MOXD1: variants seen among roughly 807,000 people sequenced by gnomAD.
The protein encoded by MOXD1 is DBH-like monooxygenase protein 1.
A neutral mutation model predicts 66.6 loss-of-function variants in MOXD1; 62 were observed. The observed-to-expected ratio is 0.93, with a 90% CI of 0.76 to 1.15. MOXD1 has a LOEUF of 1.15. MOXD1 is among the 50% of genes most tolerant of loss of function. The pLI is 0.00. For synonymous variants in MOXD1, 303 were observed against 281.9 expected, an observed-to-expected ratio of 1.07 and a Z score of -0.75; for missense variants, 847 against 754.6, an observed-to-expected ratio of 1.12 and a Z score of -1.44.
chr6:132,337,802 A>G (rs2114601845), intron 4 of MOXD1, among the ~76,000 whole-genome samples: 1 of 152,366 alleles, frequency 6.6e-6, no homozygotes, highest in African/African-American at 2.4e-5. Flanking sequence ...ATTAGCATAT[A>G]TAGTAATTAT....
chr6:132,372,717 A>G, intron 3 of MOXD1, 26 bp from the exon 4 acceptor site: 1 of 1,609,600 alleles, frequency 6.2e-7, no homozygotes, highest in Non-Finnish European at 8.5e-7. Context: ...GGGGAGGAAG[A>G]CACAAAGTCA....
At chr6:132,383,789 G>A (rs1307216395) in intron 1 of MOXD1, among the ~76,000 whole-genome samples, 1 of 152,138 alleles carries the variant, frequency 6.6e-6, no homozygotes, top group East Asian at 1.9e-4. Flanking sequence ...TTGGATGATG[G>A]CTGGGTGCAG....
intron 4 of MOXD1, among the ~76,000 whole-genome samples, chr6:132,363,129 G>T (rs867711933): frequency 6.6e-6 from 1 of 151,714 alleles, no homozygotes; most frequent in African/African-American, 2.4e-5. Context: ...AATTCCGTAG[G>T]ACTCAAAAGT....
intron 10 of MOXD1, 28 bp downstream of exon 10, chr6:132,315,607 C>A (rs1220715706): frequency 6.3e-7 from 1 of 1,590,028 alleles, no homozygotes; most frequent in African/African-American, 1.4e-5. Context: ...AATACGTTAC[C>A]CCATCATAAA....
At chr6:132,397,410 C>T (rs1272209818) in intron 1 of MOXD1, among the ~76,000 whole-genome samples, 1 of 152,210 alleles carries the variant, frequency 6.6e-6, no homozygotes, top group East Asian at 1.9e-4. Context: ...ACTTGCTTCT[C>T]TGCCTTTCAT....
rs117133459 is a variant in MOXD1, at chr6:132,393,499, G to A, written c.264+7664C>T. On this transcript the variant is annotated intron_variant, in intron 1 of 11. Coordinates refer to ENST00000367963, the MANE Select transcript of MOXD1 (RefSeq NM_015529.4). ...GCTCCTTAATGTGAGGAAAGGGTAA[G>A]TGAGAGACACCAAGTGGTCCACATT... Among the ~76,000 whole-genome samples, 100 of 152,334 alleles carry A rather than the reference G, an allele frequency of 6.6e-4. 1 individual carries two copies. In the East Asian group the frequency reaches 0.019, roughly 29 times the overall value.
chr6:132,365,051 A>C (rs1776091723), intron 4 of MOXD1, among the ~76,000 whole-genome samples: 1 of 152,202 alleles, frequency 6.6e-6, no homozygotes, highest in South Asian at 2.1e-4. Context: ...AGCTGTTCCC[A>C]AAACTTAATA....
chr6:132,297,045 G>A lies in MOXD1; in HGVS notation c.*108C>T. ...AAAAGGAGGGAGGGAAAATGGGGAA[G>A]AAAAGTCTCCACACTCTTCATGCCC... On this transcript the variant is annotated 3_prime_UTR_variant, in exon 12 of 12. Coordinates refer to ENST00000367963, the MANE Select transcript of MOXD1 (RefSeq NM_015529.4). 2 of 1,158,232 alleles carry A rather than the reference G, an allele frequency of 1.7e-6. No individual in the cohort carries two copies. Among genetic ancestry groups the A allele is most frequent in the Non-Finnish European group, 2.4e-6 (2 of 824,916 alleles). The allele number at this position is 1,158,232 out of a possible 1,614,324, so 71.7% of individuals were successfully genotyped here.
chr6:132,373,553 C>T (rs1776312744), intron 2 of MOXD1, among the ~76,000 whole-genome samples: 1 of 152,154 alleles, frequency 6.6e-6, no homozygotes. Context: ...TTAAATCATA[C>T]TACAGTTAAT....
chr6:132,353,591 C>T (rs914378828), intron 4 of MOXD1, among the ~76,000 whole-genome samples: 1 of 151,660 alleles, frequency 6.6e-6, no homozygotes, highest in African/African-American at 2.4e-5. Context: ...GTAGGTCTTA[C>T]ACTTCTTTCC....
intron 1 of MOXD1, among the ~76,000 whole-genome samples, chr6:132,399,891 A>C (rs1422326152): frequency 6.6e-6 from 1 of 152,230 alleles, no homozygotes; most frequent in Non-Finnish European, 1.5e-5. Context: ...TTGGTTCATA[A>C]AGTTAATGTC....
intron 4 of MOXD1, among the ~76,000 whole-genome samples, chr6:132,347,220 C>T (rs568645610): frequency 6.6e-6 from 1 of 151,996 alleles, no homozygotes; most frequent in African/African-American, 2.4e-5. Context: ...AGATTTGCAC[C>T]CTGGTCCAAC....
In MOXD1 at chr6:132,399,924, A is replaced by G. The variant is rs1265802044; in HGVS notation, c.264+1239T>C. Among the ~76,000 whole-genome samples the G allele has an allele frequency of 9.9e-5, 15 of 152,222 alleles. No homozygotes were observed. In the East Asian group the frequency reaches 2.7e-3, roughly 27 times the overall value. ...GTCTGAGATGCTGCAGGAGGAGAATATTTATACATCAGTGACTTCAGCAGA... is the reference window on the plus strand; with the variant it reads ...GTCTGAGATGCTGCAGGAGGAGAATGTTTATACATCAGTGACTTCAGCAGA... On this transcript the variant is annotated intron_variant, in intron 1 of 11. Coordinates refer to ENST00000367963, the MANE Select transcript of MOXD1 (RefSeq NM_015529.4).
At position 132,372,957 on chromosome 6, in the gene MOXD1, T is replaced by A. The variant is rs111250372; in HGVS notation, c.452A>T (p.Asp151Val). 7 of 1,614,024 alleles carry A rather than the reference T, an allele frequency of 4.3e-6. No homozygotes were observed. Among genetic ancestry groups the A allele is most frequent in the African/African-American group, 2.7e-5 (2 of 75,038 alleles). ...VRVIWAYHHE[D>V]AGEAGPKYHD... ...GTACTTGGGACCAGCTTCTCCTGCATCTTCATGGTGGTAGGCCCAGATCAC... is the reference window on the plus strand; with the variant it reads ...GTACTTGGGACCAGCTTCTCCTGCAACTTCATGGTGGTAGGCCCAGATCAC... The change falls in exon 3 of 12, where the codon GAT becomes GTT. Residue 151 changes from aspartate to valine, a missense_variant. Physicochemically the swap from Asp to Val is radical, Grantham distance 152. Coordinates refer to ENST00000367963, the MANE Select transcript of MOXD1 (RefSeq NM_015529.4).
chr6:132,390,977 A>G (rs1776748297), intron 1 of MOXD1: 1 of 151,328 alleles, frequency 6.6e-6, no homozygotes, highest in Admixed American at 6.6e-5. Context: ...GAAAATTAAC[A>G]TATGTTTTTA....
At chr6:132,358,272 A>G (rs1045943933) in intron 4 of MOXD1, among the ~76,000 whole-genome samples, 2 of 152,252 alleles carry the variant, frequency 1.3e-5, no homozygotes, top group Non-Finnish European at 2.9e-5. Context: ...TGGTGTTCAT[A>G]ATACACGTAC....
intron 1 of MOXD1, among the ~76,000 whole-genome samples, chr6:132,395,449 AAG>A (rs1169656802): frequency 5.8e-4 from 88 of 152,286 alleles, no homozygotes; most frequent in African/African-American, 2.0e-3. Flanking sequence ...AATAAAAAAT[AAG>A]AGAGTAAGAA....
chr6:132,354,261 G>A (rs374062752), intron 4 of MOXD1, among the ~76,000 whole-genome samples: 1 of 152,120 alleles, frequency 6.6e-6, no homozygotes, highest in Non-Finnish European at 1.5e-5. Context: ...TGGTTTTCTG[G>A]TTCCTTCTCA....
intron 1 of MOXD1, among the ~76,000 whole-genome samples, chr6:132,381,206 G>T (rs748058542): frequency 1.3e-5 from 2 of 152,112 alleles, no homozygotes; most frequent in African/African-American, 2.4e-5. Flanking sequence ...TAAATAAGGA[G>T]ATAATTTTGA....
Sources: gnomAD v4.1 joint callset for allele counts (sites outside exome capture counted in the v4.1 genomes callset) on GRCh38, gnomAD v4.1.1 for gene constraint, MANE v1.5 for transcripts, NCBI Gene and HGNC (gene_info 2026-07-23, HGNC 2026-07-21) for gene names.